The following ELMO1 variants were observed in gnomAD, a reference collection of about 807,000 sequenced individuals.
ELMO1 encodes engulfment and cell motility 1.
In ELMO1, 26 loss-of-function variants were observed where a neutral mutation model predicts 98.9. That is an observed-to-expected ratio of 0.26 (90% CI 0.19 to 0.36). The LOEUF is 0.36. Ranked by LOEUF, ELMO1 falls within the 10% of genes least tolerant of loss-of-function variation. The probability of loss-of-function intolerance (pLI) is 1.00; values close to 1 mark genes in which losing one functional copy is unlikely to be tolerated. For synonymous variants in ELMO1, 346 were observed against 346.0 expected, an observed-to-expected ratio of 1.00 and a Z score of 0.00; for missense variants, 627 against 935.2, an observed-to-expected ratio of 0.67 and a Z score of 4.30.
At chr7:37,130,178 C>T (rs1786812601) in intron 14 of ELMO1, among the ~76,000 whole-genome samples, 1 of 152,100 alleles carries the variant, frequency 6.6e-6, no homozygotes, top group Non-Finnish European at 1.5e-5. Flanking sequence ...TTGGAAACTG[C>T]CTGGTATTTG....
chr7:37,080,151 T>C (rs1797786613), intron 15 of ELMO1, among the ~76,000 whole-genome samples: 1 of 152,188 alleles, frequency 6.6e-6, no homozygotes, highest in Admixed American at 6.5e-5. Flanking sequence ...TGGCTCTACC[T>C]TTAACATAAA....
chr7:37,062,103 A>C (rs576364673), intron 15 of ELMO1, among the ~76,000 whole-genome samples: 2 of 152,368 alleles, frequency 1.3e-5, no homozygotes, highest in East Asian at 3.9e-4. Context: ...ACCATGTATA[A>C]TTTACATAAT....
intron 1 of ELMO1, among the ~76,000 whole-genome samples, chr7:37,427,149 A>G (rs925826630): frequency 1.3e-5 from 2 of 152,208 alleles, no homozygotes; most frequent in African/African-American, 4.8e-5. Flanking sequence ...TAGGCTAAAC[A>G]TCTGAACATC....
chr7:37,219,573 A>G (rs1408014617), intron 10 of ELMO1, among the ~76,000 whole-genome samples: 1 of 152,190 alleles, frequency 6.6e-6, no homozygotes, highest in East Asian at 1.9e-4. Flanking sequence ...GGAGTGAGAA[A>G]ATGGGCTTGG....
chr7:36,930,477 T>G (rs1328265987), intron 16 of ELMO1, among the ~76,000 whole-genome samples: 1 of 152,252 alleles, frequency 6.6e-6, no homozygotes, highest in Non-Finnish European at 1.5e-5. Context: ...AGGCTGTCAT[T>G]AAAATTACAT....
intron 13 of ELMO1, among the ~76,000 whole-genome samples, chr7:37,155,502 A>AAAAAAAAAAAAAAT (rs1788690718): frequency 6.6e-6 from 1 of 150,918 alleles, no homozygotes; most frequent in Non-Finnish European, 1.5e-5. Context: ...AAAAAAAAAA[A>AAAAAAAAAAAAAAT]AAAAAAGCAG....
chr7:37,334,756 G>T (rs913089887), intron 2 of ELMO1, among the ~76,000 whole-genome samples: 2 of 152,152 alleles, frequency 1.3e-5, no homozygotes, highest in African/African-American at 4.8e-5. Context: ...AAGGTCTTGT[G>T]TAAATCAAAT....
intron 2 of ELMO1, among the ~76,000 whole-genome samples, chr7:37,337,601 C>T (rs1056360669): frequency 6.6e-6 from 1 of 151,480 alleles, no homozygotes; most frequent in African/African-American, 2.4e-5. Flanking sequence ...CAAATTGGGA[C>T]CACCTCTTCC....
chr7:36,911,400 G>C (rs1011793929), intron 16 of ELMO1, among the ~76,000 whole-genome samples: 2 of 152,056 alleles, frequency 1.3e-5, no homozygotes, highest in African/African-American at 2.4e-5. Flanking sequence ...TACTATATGG[G>C]GCCATATTGA....
chr7:37,304,546 T>C (rs553307416), intron 4 of ELMO1, among the ~76,000 whole-genome samples: 33 of 152,198 alleles, frequency 2.2e-4, no homozygotes, highest in African/African-American at 7.2e-4. Flanking sequence ...TGAAACTCTG[T>C]CTCTACTAAA....
intron 1 of ELMO1, among the ~76,000 whole-genome samples, chr7:37,408,638 C>T (rs192521302): frequency 2.0e-5 from 3 of 152,272 alleles, no homozygotes; most frequent in East Asian, 1.9e-4. Context: ...GGACATGATG[C>T]TAAGTGAGGT....
intron 2 of ELMO1, among the ~76,000 whole-genome samples, chr7:37,333,097 A>G (rs2131209279): frequency 6.6e-6 from 1 of 152,230 alleles, no homozygotes; most frequent in East Asian, 1.9e-4. Flanking sequence ...GCTAGGAACA[A>G]GAAACTAGAA....
intron 6 of ELMO1, among the ~76,000 whole-genome samples, chr7:37,246,515 G>A (rs1313975708): frequency 6.6e-6 from 1 of 152,044 alleles, no homozygotes. Context: ...AGGACGAAAT[G>A]GGGGAAAAAA....
intron 13 of ELMO1, among the ~76,000 whole-genome samples, chr7:37,157,876 G>A (rs1257220920): frequency 1.3e-5 from 2 of 152,092 alleles, no homozygotes; most frequent in East Asian, 3.9e-4. Context: ...AACAAAGCTG[G>A]AGGCATCACA....
chr7:37,161,903 C>A (rs1160108348), intron 13 of ELMO1, among the ~76,000 whole-genome samples: 6 of 9,204 alleles, frequency 6.5e-4, no homozygotes, highest in South Asian at 6.3e-3. Context: ...TTCAGGTAAT[C>A]AAATATATAT....
At chr7:37,170,269 C>A (rs1014319956) in intron 13 of ELMO1, among the ~76,000 whole-genome samples, 3 of 152,242 alleles carry the variant, frequency 2.0e-5, no homozygotes, top group Admixed American at 2.0e-4. Context: ...CAATGAATGG[C>A]ATCTTTCAAT....
At chr7:37,303,004 C>G (rs536716554) in intron 4 of ELMO1, among the ~76,000 whole-genome samples, 2 of 152,130 alleles carry the variant, frequency 1.3e-5, no homozygotes, top group Non-Finnish European at 2.9e-5. Flanking sequence ...CCAGACTTTC[C>G]GCCTAACTTT....
At chr7:37,387,624 G>C (rs559655637) in intron 1 of ELMO1, among the ~76,000 whole-genome samples, 219 of 152,240 alleles carry the variant, frequency 1.4e-3, no homozygotes, top group Non-Finnish European at 2.5e-3. Context: ...ATTCACTCCA[G>C]ACAGGCATAT....
chr7:37,171,719 C>T (rs544168901), intron 13 of ELMO1, among the ~76,000 whole-genome samples: 1 of 151,900 alleles, frequency 6.6e-6, no homozygotes, highest in Non-Finnish European at 1.5e-5. Flanking sequence ...GTCTCGATCT[C>T]CTGACCTCGT....
Sources: gnomAD v4.1 joint callset for allele counts (sites outside exome capture counted in the v4.1 genomes callset) on GRCh38, gnomAD v4.1.1 for gene constraint, MANE v1.5 for transcripts, NCBI Gene and HGNC (gene_info 2026-07-23, HGNC 2026-07-21) for gene names.